Variants in TRIM14 observed in about 807,000 individuals in gnomAD.
TRIM14 encodes the protein tripartite motif containing 14.
TRIM14 carries 28 observed loss-of-function variants against 44.5 expected under a neutral mutation model. That is an observed-to-expected ratio of 0.63 (90% CI 0.47 to 0.86). The LOEUF (loss-of-function observed/expected upper bound fraction) is 0.86, where lower values mean the gene tolerates loss of function less well. Among genes scored for constraint, TRIM14 ranks in the 40% least tolerant of loss-of-function variants. TRIM14 has a pLI of 0.00. For missense variants in TRIM14, 607 were observed against 611.1 expected (o/e 0.99, Z 0.07); for synonymous variants, 299 against 269.2 (o/e 1.11, Z -1.08).
At chr9:98,040,186 C>T in the TRIM14 span, among the ~76,000 whole-genome samples, 2 of 152,282 alleles carry the variant, frequency 1.3e-5, no homozygotes, top group East Asian at 1.9e-4. Flanking sequence ...TCTCCAAACA[C>T]GCACTTCCTC....
the TRIM14 span, among the ~76,000 whole-genome samples, chr9:98,038,513 T>C: frequency 2.0e-5 from 3 of 152,184 alleles, no homozygotes; most frequent in African/African-American, 7.2e-5. Context: ...TAAGACAAAG[T>C]ACTACGTTAC....
chr9:98,055,105 C>T, the TRIM14 span, among the ~76,000 whole-genome samples: 2 of 152,246 alleles, frequency 1.3e-5, no homozygotes, highest in South Asian at 2.1e-4. Context: ...CTGCAACCTC[C>T]GCCTCCCAGG....
chr9:98,102,358 T>C (rs1297879025), intron 2 of TRIM14, among the ~76,000 whole-genome samples: 2 of 152,262 alleles, frequency 1.3e-5, no homozygotes, highest in Non-Finnish European at 2.9e-5. Context: ...GCTGTTTTGG[T>C]AAATTATTTT....
chr9:98,093,472 T>C (rs970183215), intron 4 of TRIM14, among the ~76,000 whole-genome samples: 1 of 152,030 alleles, frequency 6.6e-6, no homozygotes, highest in South Asian at 2.1e-4. Flanking sequence ...AACAGAGGCA[T>C]GGAAAAGGGA....
At chr9:98,052,838 G>A in the TRIM14 span, among the ~76,000 whole-genome samples, 11 of 152,196 alleles carry the variant, frequency 7.2e-5, no homozygotes, top group Non-Finnish European at 1.6e-4. Context: ...AGCCAGGACA[G>A]CCAATATTTC....
At chr9:98,061,265 T>C in the TRIM14 span, 2 of 407,558 alleles carry the variant, frequency 4.9e-6, no homozygotes, top group South Asian at 5.7e-5. Flanking sequence ...TCACCTGAGG[T>C]CAGGAGTTCG....
At chr9:98,048,277 G>A in the TRIM14 span, among the ~76,000 whole-genome samples, 2 of 151,982 alleles carry the variant, frequency 1.3e-5, no homozygotes, top group Non-Finnish European at 2.9e-5. Context: ...CCTTAATATT[G>A]GGGGAATCCA....
chr9:98,049,830 C>T, the TRIM14 span, among the ~76,000 whole-genome samples: 1 of 152,112 alleles, frequency 6.6e-6, no homozygotes, highest in African/African-American at 2.4e-5. Flanking sequence ...TTATCTAGCC[C>T]CCATTCAAGA....
the TRIM14 span, among the ~76,000 whole-genome samples, chr9:98,039,132 C>G: frequency 2.6e-5 from 4 of 151,962 alleles, no homozygotes; most frequent in South Asian, 6.2e-4. Context: ...GATAAGTGAA[C>G]CTGCTTCAAC....
chr9:98,114,651 A>T (rs1245612902), intron 1 of TRIM14, among the ~76,000 whole-genome samples: 3 of 152,226 alleles, frequency 2.0e-5, no homozygotes, highest in Non-Finnish European at 2.9e-5. Flanking sequence ...TGATTCTTTT[A>T]AAAAAAGTCG....
downstream of TRIM14, chr9:98,082,714 T>C (rs759467457): frequency 1.2e-4 from 85 of 722,170 alleles, no homozygotes; most frequent in African/African-American, 1.8e-4. Context: ...CTGAGCAGTG[T>C]AGGGGGCAAC....
At chr9:98,112,585 A>G (rs1435805186) in intron 1 of TRIM14, among the ~76,000 whole-genome samples, 1 of 151,676 alleles carries the variant, frequency 6.6e-6, no homozygotes, top group African/African-American at 2.4e-5. Context: ...CAGATCACGA[A>G]GTCAGGAGTT....
At chr9:98,115,673 C>T (rs1213882921) in intron 1 of TRIM14, among the ~76,000 whole-genome samples, 3 of 152,128 alleles carry the variant, frequency 2.0e-5, no homozygotes, top group South Asian at 4.1e-4. Flanking sequence ...CGTGAGCCAC[C>T]GCACCTGGCT....
chr9:98,105,341 G>A (rs1353310871), intron 2 of TRIM14, among the ~76,000 whole-genome samples: 1 of 152,212 alleles, frequency 6.6e-6, no homozygotes, highest in Non-Finnish European at 1.5e-5. Flanking sequence ...GAGCCCCGCC[G>A]ACTGCATTTT....
rs202155685 is a variant in TRIM14 at position 98,078,320 on chromosome 9, T to C, written c.*29-8633A>G. On this transcript the variant is annotated intron_variant, in intron 6 of 6. Coordinates refer to the TRIM14 transcript ENST00000375098. ...GTACCAGCGCATACCCGCTCCAGCC[T>C]GAGGACGTCAACCTGCGGGTCATCT... The C allele has an allele frequency of 9.3e-6, 15 of 1,613,720 alleles. No individual in the cohort carries two copies. Among genetic ancestry groups the C allele is most frequent in the African/African-American group, 5.3e-5 (4 of 74,928 alleles).
chr9:98,094,367 G>T lies in TRIM14; in HGVS notation c.700+500C>A, dbSNP rs549845373. Among the ~76,000 whole-genome samples, 22 of 152,258 alleles carry T rather than the reference G, an allele frequency of 1.4e-4. No individual in the cohort carries two copies. In the South Asian group the frequency reaches 4.4e-3, roughly 30 times the overall value. On this transcript the variant is annotated intron_variant, in intron 4 of 5. Coordinates refer to ENST00000341469, the MANE Select transcript of TRIM14 (RefSeq NM_014788.4). Reference sequence around the variant, plus strand: ...GTGCTTACAAGGGGCAAGGAGGGGGGTCCATGTATCCACTTCATGAGCACC... The same window carrying T: ...GTGCTTACAAGGGGCAAGGAGGGGGTTCCATGTATCCACTTCATGAGCACC...
At chr9:98,113,829 A>T (rs1826949029) in intron 1 of TRIM14, among the ~76,000 whole-genome samples, 1 of 152,162 alleles carries the variant, frequency 6.6e-6, no homozygotes, top group Non-Finnish European at 1.5e-5. Flanking sequence ...CCTCTATCAG[A>T]GTGGTTTTTG....
the TRIM14 span, among the ~76,000 whole-genome samples, chr9:98,042,441 T>C: frequency 1.3e-5 from 2 of 152,210 alleles, no homozygotes; most frequent in Non-Finnish European, 2.9e-5. Context: ...GATTATTTAA[T>C]AGTTTTCCTA....
Position 98,087,232 on chromosome 9 carries a change from G to GGTGA in TRIM14, c.*234_*237dup. On this transcript the variant is annotated 3_prime_UTR_variant, in exon 6 of 6. Transcript: ENST00000341469. Reference sequence around the variant, plus strand: ...ATTAAAGTAGTGTAAGTGATGGTGGGGTGAGGGTGCGGAGGTCTGATGAGA... The same window carrying GGTGA: ...ATTAAAGTAGTGTAAGTGATGGTGGGGTGAGTGAGGGTGCGGAGGTCTGATGAGA... 1.3e-6 allele frequency: 1 copy of GGTGA among 780,528 alleles called. No homozygotes were observed. Among genetic ancestry groups the GGTGA allele is most frequent in the Non-Finnish European group, 2.4e-6 (1 of 420,648 alleles). 48.4% of individuals were successfully genotyped at this position (780,528 alleles called of 1,614,324 possible).
Sources: allele counts gnomAD v4.1 joint callset (sites outside exome capture counted in the v4.1 genomes callset), GRCh38; gene constraint gnomAD v4.1.1; transcripts MANE v1.5; gene names NCBI Gene and HGNC (gene_info 2026-07-23, HGNC 2026-07-21).